Variants in NCAM1 observed in about 807,000 individuals in gnomAD.
The protein encoded by NCAM1 is neural cell adhesion molecule 1.
In NCAM1, 14 loss-of-function variants were observed where a neutral mutation model predicts 109.8. The ratio of observed to expected loss-of-function variants is 0.13; its 90% CI spans 0.08 to 0.20. NCAM1 has a LOEUF of 0.20. Among genes scored for constraint, NCAM1 ranks in the 10% least tolerant of loss-of-function variants. The probability of loss-of-function intolerance (pLI) is 1.00; values close to 1 mark genes in which losing one functional copy is unlikely to be tolerated. For synonymous variants in NCAM1, 418 were observed against 442.9 expected (o/e 0.94, Z 0.70); for missense variants, 774 against 1,109.9 (o/e 0.70, Z 4.30).
chr11:113,050,222 T>C (rs1277059293), intron 1 of NCAM1, among the ~76,000 whole-genome samples: 7 of 152,144 alleles, frequency 4.6e-5, no homozygotes, highest in Non-Finnish European at 1.0e-4. Flanking sequence ...TTTATGCTAA[T>C]AGAATCAAAA....
chr11:113,245,500 C>T (rs781959343), intron 14 of NCAM1, among the ~76,000 whole-genome samples: 1 of 152,216 alleles, frequency 6.6e-6, no homozygotes, highest in Non-Finnish European at 1.5e-5. Context: ...ACTCTCAGCA[C>T]GTTGGGCCAA....
At chr11:113,116,547 A>C (rs2135994719) in intron 1 of NCAM1, among the ~76,000 whole-genome samples, 1 of 152,350 alleles carries the variant, frequency 6.6e-6, no homozygotes, top group Non-Finnish European at 1.5e-5. Flanking sequence ...AAACAACTGG[A>C]ATCATTTTAG....
At chr11:112,991,718 T>G (rs907772358) in intron 1 of NCAM1, among the ~76,000 whole-genome samples, 2 of 152,224 alleles carry the variant, frequency 1.3e-5, no homozygotes, top group African/African-American at 4.8e-5. Flanking sequence ...TATTTTTTAT[T>G]TATTGAAGGA....
At chr11:113,238,834 C>A (rs1420878379) in intron 14 of NCAM1, among the ~76,000 whole-genome samples, 1 of 152,146 alleles carries the variant, frequency 6.6e-6, no homozygotes, top group East Asian at 1.9e-4. Context: ...CTGGTTATAC[C>A]CCAAGCCCCA....
intron 15 of NCAM1, among the ~76,000 whole-genome samples, chr11:113,248,826 C>T (rs1388139883): frequency 1.3e-5 from 2 of 152,220 alleles, no homozygotes; most frequent in Non-Finnish European, 2.9e-5. Flanking sequence ...CCTGAGCCTA[C>T]AGGGCTTGGC....
chr11:113,139,222 C>T (rs147182571), intron 1 of NCAM1, among the ~76,000 whole-genome samples: 7 of 152,268 alleles, frequency 4.6e-5, no homozygotes, highest in African/African-American at 1.7e-4. Context: ...CTGATTATTA[C>T]TGGCAGAAAG....
intron 1 of NCAM1, among the ~76,000 whole-genome samples, chr11:112,986,531 A>G (rs1555069694): frequency 6.6e-6 from 1 of 152,076 alleles, no homozygotes; most frequent in African/African-American, 2.4e-5. Context: ...CATTGAAGCC[A>G]TCAGGCCCTG....
intron 1 of NCAM1, among the ~76,000 whole-genome samples, chr11:113,112,212 T>C (rs1435769746): frequency 2.0e-5 from 3 of 152,242 alleles, no homozygotes; most frequent in Non-Finnish European, 4.4e-5. Context: ...TTTTACCTGA[T>C]GTTAGTCTTT....
intron 1 of NCAM1, among the ~76,000 whole-genome samples, chr11:113,091,123 G>C (rs1451984928): frequency 6.6e-6 from 1 of 152,122 alleles, no homozygotes; most frequent in African/African-American, 2.4e-5. Flanking sequence ...CCATATCATG[G>C]CATCTCTCCC....
At chr11:113,110,073 C>T (rs74241397) in intron 1 of NCAM1, among the ~76,000 whole-genome samples, 5 of 151,972 alleles carry the variant, frequency 3.3e-5, no homozygotes, top group African/African-American at 1.2e-4. Flanking sequence ...AGCTAATAGT[C>T]GTGTTTTTAA....
intron 1 of NCAM1, among the ~76,000 whole-genome samples, chr11:113,164,864 G>A (rs1942731860): frequency 6.6e-6 from 1 of 152,096 alleles, no homozygotes; most frequent in Non-Finnish European, 1.5e-5. Context: ...CTGTAGAGCA[G>A]GGCTGAATGC....
intron 1 of NCAM1, among the ~76,000 whole-genome samples, chr11:113,052,819 T>C (rs1199348616): frequency 6.6e-6 from 1 of 152,180 alleles, no homozygotes; most frequent in East Asian, 1.9e-4. Flanking sequence ...CAGCATGCAC[T>C]AGCTATTTGT....
chr11:113,108,726 G>T (rs1940284520), intron 1 of NCAM1, among the ~76,000 whole-genome samples: 1 of 150,450 alleles, frequency 6.6e-6, no homozygotes, highest in Non-Finnish European at 1.5e-5. Flanking sequence ...TTTTAATGGG[G>T]TAGGGTCCAG....
At chr11:113,047,365 G>A (rs1254595284) in intron 1 of NCAM1, among the ~76,000 whole-genome samples, 2 of 152,142 alleles carry the variant, frequency 1.3e-5, no homozygotes, top group Non-Finnish European at 2.9e-5. Flanking sequence ...AAAATAACTT[G>A]ATTATAAGCA....
At chr11:112,975,379 A>G (rs1054329731) in intron 1 of NCAM1, among the ~76,000 whole-genome samples, 10 of 152,030 alleles carry the variant, frequency 6.6e-5, no homozygotes, top group Non-Finnish European at 1.5e-5. Context: ...TAGTTGGTCT[A>G]GGAATTGGAG....
intron 7 of NCAM1, among the ~76,000 whole-genome samples, chr11:113,213,917 C>G (rs782615556): frequency 3.3e-5 from 5 of 152,260 alleles, no homozygotes; most frequent in African/African-American, 1.2e-4. Context: ...CCAGCCTCAC[C>G]TTCCTGTGCC....
intron 7 of NCAM1, 85 bp from the exon 8 acceptor site, chr11:113,214,284 C>G: frequency 6.9e-7 from 1 of 1,446,010 alleles, no homozygotes; most frequent in Non-Finnish European, 9.5e-7. Flanking sequence ...AGACAGCTAA[C>G]CTTTGTTGGA....
At chr11:112,996,361 A>G (rs535899338) in intron 1 of NCAM1, among the ~76,000 whole-genome samples, 1 of 152,282 alleles carries the variant, frequency 6.6e-6, no homozygotes, top group Admixed American at 6.5e-5. Context: ...TGTAGGTATG[A>G]CTTTGTATAG....
chr11:113,097,452 C>T (rs549639228), intron 1 of NCAM1, among the ~76,000 whole-genome samples: 16 of 152,204 alleles, frequency 1.1e-4, no homozygotes, highest in Admixed American at 5.9e-4. Flanking sequence ...TGAGTAGAGT[C>T]GCTCATCTAA....
Sources: allele counts gnomAD v4.1 joint callset (sites outside exome capture counted in the v4.1 genomes callset), GRCh38; gene constraint gnomAD v4.1.1; transcripts MANE v1.5; gene names NCBI Gene and HGNC (gene_info 2026-07-23, HGNC 2026-07-21).